The following GLI3 variants were observed in gnomAD, a reference collection of about 807,000 sequenced individuals.
The protein encoded by GLI3 is transcription activator GLI3.
A neutral mutation model predicts 100.8 loss-of-function variants in GLI3; 20 were observed. That is an observed-to-expected ratio of 0.20 (90% CI 0.14 to 0.29). The LOEUF (loss-of-function observed/expected upper bound fraction) is 0.29, where lower values mean the gene tolerates loss of function less well. Among genes scored for constraint, GLI3 ranks in the 10% least tolerant of loss-of-function variants. The pLI is 1.00. For synonymous variants in GLI3, 938 were observed against 860.5 expected (o/e 1.09, Z -1.58); for missense variants, 2,040 against 2,128.5 (o/e 0.96, Z 0.82).
At chr7:41,973,210 C>G (rs923485805) in intron 12 of GLI3, among the ~76,000 whole-genome samples, 1 of 152,166 alleles carries the variant, frequency 6.6e-6, no homozygotes, top group Admixed American at 6.5e-5. Context: ...CTTTGGGTAG[C>G]ATTACAAGTG....
At chr7:42,004,004 A>G (rs1788382345) in intron 10 of GLI3, among the ~76,000 whole-genome samples, 1 of 152,218 alleles carries the variant, frequency 6.6e-6, no homozygotes. Flanking sequence ...GATTTAAGAC[A>G]TAGAAATATA....
Position 42,010,571 on chromosome 7 carries a change from G to A in GLI3, c.1497+12897C>T, listed in dbSNP as rs950558727. On this transcript the variant is annotated intron_variant, in intron 10 of 14. Coordinates refer to ENST00000395925, the MANE Select transcript of GLI3 (RefSeq NM_000168.6). Reference sequence around the variant, plus strand: ...AAGTTTCTGATGAAGTGTTATATTCGCTTTCAATGGTATCTAACTGGCCAT... The same window carrying A: ...AAGTTTCTGATGAAGTGTTATATTCACTTTCAATGGTATCTAACTGGCCAT... 2.6e-5 allele frequency among the ~76,000 whole-genome samples: 4 copies of A among 152,092 alleles called. 1 individual carries two copies. The highest frequency in any genetic ancestry group is 4.1e-4 in the South Asian group (2 of 4,826).
intron 2 of GLI3, among the ~76,000 whole-genome samples, chr7:42,193,619 A>G (rs551375308): frequency 6.6e-6 from 1 of 152,316 alleles, no homozygotes; most frequent in Non-Finnish European, 1.5e-5. Flanking sequence ...ACTTTGATGA[A>G]GAACTATCTG....
intron 2 of GLI3, among the ~76,000 whole-genome samples, chr7:42,187,043 C>CAAA (rs5883815): frequency 1.0e-4 from 15 of 146,880 alleles, no homozygotes; most frequent in Admixed American, 4.7e-4. Flanking sequence ...GAACCTGTCT[C>CAAA]AAAAAAAAAA....
chr7:41,989,793 G>A (rs1159919538), intron 10 of GLI3, among the ~76,000 whole-genome samples: 1 of 151,818 alleles, frequency 6.6e-6, no homozygotes. Context: ...AATACTTTAG[G>A]AGGCTGAGGC....
chr7:42,104,219 T>C (rs1785527017), intron 3 of GLI3, among the ~76,000 whole-genome samples: 2 of 152,152 alleles, frequency 1.3e-5, no homozygotes, highest in South Asian at 4.1e-4. Flanking sequence ...AAAGTCAACA[T>C]TAGTCTAAAT....
intron 2 of GLI3, among the ~76,000 whole-genome samples, chr7:42,178,693 T>A (rs768910728): frequency 1.3e-4 from 19 of 151,982 alleles, no homozygotes; most frequent in Non-Finnish European, 1.5e-5. Flanking sequence ...AATAGACACA[T>A]CCCCATCACT....
intron 14 of GLI3, 110 bp downstream of exon 14, chr7:41,967,486 C>A (rs563265903): frequency 1.6e-5 from 13 of 788,628 alleles, no homozygotes; most frequent in Middle Eastern, 3.8e-4. Context: ...ATGGTTACAG[C>A]GTCATTTTAG....
intron 4 of GLI3, among the ~76,000 whole-genome samples, chr7:42,059,200 T>C (rs1784519326): frequency 6.6e-6 from 1 of 152,302 alleles, no homozygotes; most frequent in Middle Eastern, 3.4e-3. Context: ...TTAAATATTT[T>C]AATTCCATGA....
At chr7:42,152,435 A>G (rs1444185423) in intron 2 of GLI3, 11 of 985,248 alleles carry the variant, frequency 1.1e-5, no homozygotes, top group Non-Finnish European at 1.2e-5. Flanking sequence ...CCCTCTAGGA[A>G]CATTCTCGGT....
Position 42,081,819 on chromosome 7 carries a change from G to C in GLI3, c.368-4962C>G, listed in dbSNP as rs1385804781. On this transcript the variant is annotated intron_variant, in intron 3 of 14. Coordinates refer to ENST00000395925, the MANE Select transcript of GLI3 (RefSeq NM_000168.6). ...GTCTCTCAGTTAGTGCCCTGAAGGA[G>C]TAATTCACCAAATGATACTTGAATG... Among the ~76,000 whole-genome samples the C allele has an allele frequency of 1.3e-5, 2 of 152,242 alleles. 1 individual carries two copies. The highest frequency in any genetic ancestry group is 4.1e-4 in the South Asian group (2 of 4,824).
chr7:41,972,309 G>T lies in GLI3; in HGVS notation c.2103+28C>A. 1 of 1,603,010 alleles carries T rather than the reference G, an allele frequency of 6.2e-7. No individual in the cohort carries two copies. The highest frequency in any genetic ancestry group is 8.5e-7 in the Non-Finnish European group (1 of 1,170,430). On this transcript the variant is annotated intron_variant, in intron 13 of 14. Transcript: ENST00000395925. This position sits in a 1 kb window ranked among gnomAD's most constrained non-coding sequence, Gnocchi z 4.4. ...TGGCTCTTTTAAATGGGCCTGCTGT[G>T]AAGTCAGAAGGAGAGTGAATGACAT...
At chr7:42,048,754 C>A in intron 4 of GLI3, 58 bp from the exon 5 acceptor site, 1 of 1,097,122 alleles carries the variant, frequency 9.1e-7, no homozygotes, top group South Asian at 1.3e-5. Context: ...TCTCCACAGG[C>A]AGAGGCTGTC....
chr7:42,169,382 T>C (rs977717936), intron 2 of GLI3, among the ~76,000 whole-genome samples: 2 of 152,120 alleles, frequency 1.3e-5, no homozygotes, highest in African/African-American at 4.8e-5. Context: ...TGAAAAATAG[T>C]TGTATTTCAT....
chr7:42,170,381 C>T (rs960181898), intron 2 of GLI3, among the ~76,000 whole-genome samples: 1 of 145,400 alleles, frequency 6.9e-6, no homozygotes, highest in Non-Finnish European at 1.5e-5. Flanking sequence ...ACAGTTCTTA[C>T]AGAGAACTTA....
intron 3 of GLI3, among the ~76,000 whole-genome samples, chr7:42,116,583 T>C (rs191657463): frequency 6.6e-6 from 1 of 152,288 alleles, no homozygotes; most frequent in African/African-American, 2.4e-5. Context: ...CATTTGTTTT[T>C]ATTATATGAA....
chr7:41,967,953 T>C (rs1253736914), intron 13 of GLI3, 30 bp from the exon 14 acceptor site: 1 of 1,574,460 alleles, frequency 6.4e-7, no homozygotes. Context: ...AGGAAAGAAA[T>C]GTCACCAGGG....
rs1238664307 is a variant in GLI3 at position 42,125,754 on chromosome 7, G to A, written c.367+22472C>T. 2.6e-5 allele frequency among the ~76,000 whole-genome samples: 4 copies of A among 152,290 alleles called. No individual in the cohort carries two copies. The East Asian group carries it at 5.8e-4, about 22-fold the overall frequency. On this transcript the variant is annotated intron_variant, in intron 3 of 14. Coordinates refer to ENST00000395925, the MANE Select transcript of GLI3 (RefSeq NM_000168.6). ...ATACAGAGCTGTCCTCAGGAGACAA[G>A]CCTCTTATTTTTGAGGGTATAACTA...
chr7:42,109,928 G>A (rs571845990), intron 3 of GLI3, among the ~76,000 whole-genome samples: 1 of 152,306 alleles, frequency 6.6e-6, no homozygotes, highest in African/African-American at 2.4e-5. Flanking sequence ...ACTTTGCTAC[G>A]GATGCTGGCT....
Sources: gnomAD v4.1 joint callset for allele counts (sites outside exome capture counted in the v4.1 genomes callset) on GRCh38, gnomAD v4.1.1 for gene constraint, Gnocchi (gnomAD v3.1) non-coding constraint, MANE v1.5 for transcripts, NCBI Gene and HGNC (gene_info 2026-07-23, HGNC 2026-07-21) for gene names.